Variants in RARS2 observed in about 807,000 individuals in gnomAD.
RARS2 encodes arginyl-tRNA synthetase 2, mitochondrial.
A neutral mutation model predicts 88.5 loss-of-function variants in RARS2; 67 were observed. That is an observed-to-expected ratio of 0.76 (90% CI 0.62 to 0.93). The LOEUF (loss-of-function observed/expected upper bound fraction) is 0.93. RARS2 is among the 40% of genes least tolerant of loss of function. The probability of loss-of-function intolerance (pLI) is 0.00; values close to 1 mark genes in which losing one functional copy is unlikely to be tolerated. For synonymous variants in RARS2, 239 were observed against 230.3 expected, an observed-to-expected ratio of 1.04 and a Z score of -0.34; for missense variants, 664 against 684.2, an observed-to-expected ratio of 0.97 and a Z score of 0.33.
chr6:87,570,614 C>T (rs4707377), intron 1 of RARS2, among the ~76,000 whole-genome samples: 92,478 of 151,882 alleles, frequency 0.61, 28,974 homozygotes, highest in African/African-American at 0.75. Context: ...GAGACGGGGC[C>T]TTGCCATTTT....
rs1295821258 is a variant in RARS2 at position 87,516,809 on chromosome 6, A to G, written c.1583T>C (p.Leu528Ser). Residue 528 changes from leucine to serine, a missense_variant, in exon 18 of 20, where the codon TTA (leucine) becomes TCA (serine). Physicochemically the swap from Leu to Ser is moderately radical, Grantham distance 145. Transcript: ENST00000369536. ...PRHIVSYLLT[L>S]SHLAAVAHKT... is the part of the protein sequence containing the mutation. ...AAACAGGAAGATTATAAAGTACCTT[A>G]AAGTTAGAAGGTAACTGACGATATG... 6.2e-7 allele frequency: 1 copy of G among 1,613,578 alleles called. No individual in the cohort carries two copies. The highest frequency in any genetic ancestry group is 1.7e-5 in the Admixed American group (1 of 60,012).
chr6:87,584,709 A>C, intron 1 of RARS2: 1 of 467,316 alleles, frequency 2.1e-6, no homozygotes, highest in Non-Finnish European at 4.3e-6. Context: ...TGACAAACCC[A>C]GCTTCTCAGA....
intron 10 of RARS2, among the ~76,000 whole-genome samples, chr6:87,526,611 T>C (rs905552979): frequency 3.5e-5 from 3 of 84,834 alleles, no homozygotes; most frequent in Non-Finnish European, 6.3e-5. Flanking sequence ...GACAAAAACA[T>C]AGGACCAATG....
intron 1 of RARS2, among the ~76,000 whole-genome samples, chr6:87,578,053 T>C (rs1375382784): frequency 6.6e-6 from 1 of 151,408 alleles, no homozygotes; most frequent in African/African-American, 2.4e-5. Flanking sequence ...GAGGTCGAGG[T>C]GCAGGATCAC....
At position 87,545,684 on chromosome 6, in the gene RARS2, T is replaced by G. The variant is rs1233444134; in HGVS notation, c.467A>C (p.Asn156Thr). 2.5e-6 allele frequency: 4 copies of G among 1,613,262 alleles called. No homozygotes were observed. Among genetic ancestry groups the G allele is most frequent in the Non-Finnish European group, 3.4e-6 (4 of 1,179,766 alleles). Reference protein sequence around the residue: ...RSTIIGNFIANLKEALGHQVI... With the variant: ...RSTIIGNFIATLKEALGHQVI... ...TTGATGTCCTAAAGCTTCTTTGAGA[T>G]TTGCTATAAAATTTCCTAGTAATCA... Residue 156 changes from asparagine (N) to threonine (T), a missense_variant, in exon 7 of 20, where the codon AAT becomes ACT. Asn to Thr is a moderately conservative substitution (Grantham distance 65). Transcript: ENST00000369536.
chr6:87,530,963 T>C, intron 8 of RARS2, 21 bp from the exon 9 acceptor site: 2 of 1,613,538 alleles, frequency 1.2e-6, no homozygotes, highest in Non-Finnish European at 1.7e-6. Context: ...AATAGTACAT[T>C]AAATGAAGTA....
At chr6:87,535,671 G>GTTTTTTT (rs33991266) in intron 8 of RARS2, among the ~76,000 whole-genome samples, 1 of 129,970 alleles carries the variant, frequency 7.7e-6, no homozygotes. Flanking sequence ...TTATGTAACT[G>GTTTTTTT]TTTTGTTTTT....
chr6:87,554,814 T>C (rs1280558754), intron 5 of RARS2, among the ~76,000 whole-genome samples: 1 of 152,020 alleles, frequency 6.6e-6, no homozygotes, highest in Non-Finnish European at 1.5e-5. Context: ...TTAAAGTAAA[T>C]AACTAGTCAG....
At chr6:87,577,075 A>C (rs924445791) in intron 1 of RARS2, among the ~76,000 whole-genome samples, 2 of 152,256 alleles carry the variant, frequency 1.3e-5, no homozygotes, top group East Asian at 1.9e-4. Flanking sequence ...AAAATTTTAC[A>C]ATTACACTGG....
chr6:87,555,607 T>C (rs1279558812), intron 4 of RARS2, 102 bp from the exon 5 acceptor site: 2 of 922,950 alleles, frequency 2.2e-6, no homozygotes, highest in South Asian at 1.4e-5. Context: ...CTCTAATTTA[T>C]GGAACTGAGA....
intron 1 of RARS2, 142 bp from the exon 2 acceptor site, chr6:87,569,732 C>A: frequency 1.4e-6 from 1 of 720,716 alleles, no homozygotes; most frequent in South Asian, 1.6e-5. Context: ...AAGCCAGATT[C>A]AAAAAGGTAT....
chr6:87,563,631 T>G (rs1294325207), intron 3 of RARS2, among the ~76,000 whole-genome samples: 2 of 152,222 alleles, frequency 1.3e-5, no homozygotes, highest in African/African-American at 4.8e-5. Context: ...TTCCTTGCAA[T>G]CCTTTCAATT....
chr6:87,581,052 A>G (rs1773334755), intron 1 of RARS2, among the ~76,000 whole-genome samples: 1 of 152,044 alleles, frequency 6.6e-6, no homozygotes, highest in Non-Finnish European at 1.5e-5. Context: ...TCAACCATTT[A>G]TTTTTCTGAT....
intron 14 of RARS2, 99 bp downstream of exon 14, chr6:87,519,484 A>C: frequency 7.4e-7 from 1 of 1,350,282 alleles, no homozygotes. Context: ...GTGACACTTC[A>C]ATGGAGGGAC....
chr6:87,533,514 A>C (rs1778222569), intron 8 of RARS2, among the ~76,000 whole-genome samples: 1 of 152,230 alleles, frequency 6.6e-6, no homozygotes, highest in African/African-American at 2.4e-5. Context: ...CAAAGAGATA[A>C]AAAGGCAATT....
intron 5 of RARS2, among the ~76,000 whole-genome samples, chr6:87,549,205 A>T (rs1422316048): frequency 6.6e-6 from 1 of 151,786 alleles, no homozygotes; most frequent in East Asian, 1.9e-4. Context: ...AAATACAAAA[A>T]ATTAGCGAGG....
rs1393650290 is a variant in RARS2, at chr6:87,514,857, T to A, written c.1650+100A>T. 4.2e-6 allele frequency: 4 copies of A among 963,826 alleles called. No homozygotes were observed. The African/African-American group carries it at 6.5e-5, about 16-fold the overall frequency. The allele number at this position is 963,826 out of a possible 1,614,324, so 59.7% of individuals were successfully genotyped here. A position where few individuals can be genotyped will look rare whatever the true frequency, so the allele number is the denominator to read the frequency against. On this transcript the variant is annotated intron_variant, in intron 19 of 19. Transcript: ENST00000369536. The stretch of plus-strand genomic sequence containing the variant: ...AGCTAAGGAAGTATACTGCTACAGT[T>A]GAACAACAGAATGCTATTTTAGAAA...
chr6:87,586,223 G>A (rs1657871805), intron 1 of RARS2, among the ~76,000 whole-genome samples: 1 of 152,082 alleles, frequency 6.6e-6, no homozygotes, highest in African/African-American at 2.4e-5. Context: ...AAAGGAGAGG[G>A]GGAGGCAGCA....
intron 6 of RARS2, among the ~76,000 whole-genome samples, chr6:87,546,570 A>G: frequency 6.6e-6 from 1 of 152,194 alleles, no homozygotes; most frequent in East Asian, 1.9e-4. Flanking sequence ...CAGTGGCAGC[A>G]TGGTTCTAGA....
Sources: allele counts gnomAD v4.1 joint callset (sites outside exome capture counted in the v4.1 genomes callset), GRCh38; gene constraint gnomAD v4.1.1; transcripts MANE v1.5; gene names NCBI Gene and HGNC (gene_info 2026-07-23, HGNC 2026-07-21).